GJC1: variants seen among roughly 807,000 people sequenced by gnomAD.
GJC1 encodes the protein gap junction protein gamma 1.
GJC1 carries 5 observed loss-of-function variants against 29.3 expected under a neutral mutation model. The observed-to-expected ratio is 0.17, with a 90% CI of 0.09 to 0.36. The LOEUF (loss-of-function observed/expected upper bound fraction) is 0.36. GJC1 is among the 10% of genes least tolerant of loss of function. The probability of loss-of-function intolerance (pLI) is 1.00; values close to 1 mark genes in which losing one functional copy is unlikely to be tolerated. For missense variants in GJC1, 310 were observed against 496.2 expected, an observed-to-expected ratio of 0.62 and a Z score of 3.56; for synonymous variants, 177 against 183.3, an observed-to-expected ratio of 0.97 and a Z score of 0.28.
Position 44,799,393 on chromosome 17 carries a change from A to C in GJC1, c.*5234T>G, listed in dbSNP as rs2049814809. On this transcript the variant is annotated 3_prime_UTR_variant, in exon 3 of 3. Coordinates refer to ENST00000592524, the MANE Select transcript of GJC1 (RefSeq NM_005497.4). ...GCTAATTTTTGTATTTTTAGTAGAG[A>C]GGGGGTTTTACCATGTTGGCCAGGC... 6.6e-6 allele frequency: 1 copy of C among 151,298 alleles called. No individual in the cohort carries two copies. Among genetic ancestry groups the C allele is most frequent in the South Asian group, 2.1e-4 (1 of 4,790 alleles). 9.4% of individuals were successfully genotyped at this position (151,298 alleles called of 1,614,324 possible). A position where few individuals can be genotyped will look rare whatever the true frequency, so the allele number is the denominator to read the frequency against.
rs1388697716 is a variant in GJC1, at chr17:44,799,756, C to CA, written c.*4870dup. 1 of 152,042 alleles carries CA rather than the reference C, an allele frequency of 6.6e-6. No individual in the cohort carries two copies. Among genetic ancestry groups the CA allele is most frequent in the African/African-American group, 2.4e-5 (1 of 41,384 alleles). 9.4% of individuals were successfully genotyped at this position (152,042 alleles called of 1,614,324 possible). ...CAACATAGTGAGAGCTCTGTCTCTA[C>CA]AAAAAATACAAAAATTAGCCAGGTG... is the stretch of plus-strand genomic sequence containing the variant. On this transcript the variant is annotated 3_prime_UTR_variant, in exon 3 of 3. Transcript: ENST00000592524.
At chr17:44,828,422 T>C (rs2050198000) in intron 1 of GJC1, among the ~76,000 whole-genome samples, 1 of 152,222 alleles carries the variant, frequency 6.6e-6, no homozygotes, top group South Asian at 2.1e-4. Flanking sequence ...TTGTTTGAAA[T>C]GCTTTGGAAA....
In GJC1 at chr17:44,819,703, TAAA is replaced by T. The variant is rs917523909; in HGVS notation, c.-97+10356_-97+10358del. On this transcript the variant is annotated intron_variant, in intron 1 of 2. Transcript: ENST00000592524. The stretch of plus-strand genomic sequence containing the variant: ...ATAAATAAATAAATAAATAAATAAA[TAAA>T]AAGAATTTCCTTCCTTTTTAAGGCT... Among the ~76,000 whole-genome samples the T allele has an allele frequency of 6.3e-3, 899 of 142,340 alleles. 9 individuals are homozygous for T. Among genetic ancestry groups the T allele is most frequent in the East Asian group, 0.05 (235 of 4,708 alleles). 93.4% of individuals were successfully genotyped at this position (142,340 alleles called of 152,430 possible). A position where few individuals can be genotyped will look rare whatever the true frequency, so the allele number is the denominator to read the frequency against.
chr17:44,808,863 C>A (rs2049942726), intron 1 of GJC1, among the ~76,000 whole-genome samples: 1 of 152,008 alleles, frequency 6.6e-6, no homozygotes, highest in African/African-American at 2.4e-5. Flanking sequence ...GGATCACCAG[C>A]AGTCGGGAGT....
intron 1 of GJC1, among the ~76,000 whole-genome samples, chr17:44,826,903 C>T (rs1195012618): frequency 6.6e-6 from 1 of 152,162 alleles, no homozygotes; most frequent in Non-Finnish European, 1.5e-5. Flanking sequence ...ACAACTGTTG[C>T]CATTCAGCTG....
chr17:44,816,816 A>G (rs1433213270), intron 1 of GJC1, among the ~76,000 whole-genome samples: 2 of 151,960 alleles, frequency 1.3e-5, no homozygotes, highest in African/African-American at 4.8e-5. Context: ...AATTAATAGG[A>G]TTTTTGAAGA....
chr17:44,805,169 T>C lies in GJC1; in HGVS notation c.649A>G (p.Lys217Glu). 6.2e-7 allele frequency: 1 copy of C among 1,614,094 alleles called. No homozygotes were observed. ...GGTCTAGAAATAAAGCAGTCTATCT[T>C]ATGAGGACAAGGAAGTCTGCTGCAC... ...YVCSRLPCPH[K>E]IDCFISRPTE... The change falls in exon 3 of 3, where the codon AAG becomes GAG. Residue 217 changes from lysine (K) to glutamate (E), a missense_variant. This residue lies in a region of GJC1 where 45 missense variants were observed against 126.2 expected (regional missense o/e 0.36). Transcript: ENST00000592524. The surrounding 1 kb of genome is among the most constrained non-coding windows in gnomAD (Gnocchi z 5.1).
chr17:44,807,296 G>A (rs983472325), intron 2 of GJC1, 98 bp downstream of exon 2: 7 of 152,166 alleles, frequency 4.6e-5, no homozygotes, highest in African/African-American at 1.7e-4. Flanking sequence ...CCGACACAAA[G>A]TAGACTTAAT....
rs1216532925 is a variant in GJC1 at position 44,802,581 on chromosome 17, C to T, written c.*2046G>A. 1 of 152,158 alleles carries T rather than the reference C, an allele frequency of 6.6e-6. No homozygotes were observed. The highest frequency in any genetic ancestry group is 2.4e-5 in the African/African-American group (1 of 41,450). 9.4% of individuals were successfully genotyped at this position (152,158 alleles called of 1,614,324 possible). On this transcript the variant is annotated 3_prime_UTR_variant, in exon 3 of 3. Transcript: ENST00000592524. ...ATTTCTGAAATTTCTCCTTCAGTCT[C>T]ACCTGAGTTTAATTTTTGCCTAAGA... is the stretch of plus-strand genomic sequence containing the variant.
intron 1 of GJC1, among the ~76,000 whole-genome samples, chr17:44,812,102 C>G (rs1424204933): frequency 6.6e-6 from 1 of 151,966 alleles, no homozygotes; most frequent in African/African-American, 2.4e-5. Context: ...ATCACGAGGT[C>G]AGGAGATTGA....
chr17:44,821,730 A>AAAAAAAAAAAAAAAC (rs1567714313), intron 1 of GJC1, among the ~76,000 whole-genome samples: 1 of 141,394 alleles, frequency 7.1e-6, no homozygotes, highest in Non-Finnish European at 1.5e-5. Context: ...AAAAAACAAC[A>AAAAAAAAAAAAAAAC]AAAAAACACC....
chr17:44,821,032 A>T (rs2050099561), intron 1 of GJC1, among the ~76,000 whole-genome samples: 1 of 152,214 alleles, frequency 6.6e-6, no homozygotes, highest in Non-Finnish European at 1.5e-5. Context: ...TCTCATGGAG[A>T]GTGAGTAGTT....
At chr17:44,819,424 C>T (rs1004669485) in intron 1 of GJC1, among the ~76,000 whole-genome samples, 4 of 151,924 alleles carry the variant, frequency 2.6e-5, no homozygotes, top group Non-Finnish European at 5.9e-5. Flanking sequence ...TTTGGGAGGC[C>T]GAGGCGGGTA....
upstream of GJC1, chr17:44,830,514 C>T (rs1175510989): frequency 2.5e-6 from 1 of 396,392 alleles, no homozygotes; most frequent in Non-Finnish European, 4.4e-6. This position sits in a 1 kb window ranked among gnomAD's most constrained non-coding sequence, Gnocchi z 4.3. Context: ...GTCTGGACCC[C>T]GGGTGGGCGC....
chr17:44,826,747 A>G (rs1334244714), intron 1 of GJC1, among the ~76,000 whole-genome samples: 1 of 152,220 alleles, frequency 6.6e-6, no homozygotes, highest in East Asian at 1.9e-4. Context: ...GAGTTGCAGT[A>G]AATAGCAATG....
chr17:44,822,517 C>T (rs2050124303), intron 1 of GJC1, among the ~76,000 whole-genome samples: 1 of 151,672 alleles, frequency 6.6e-6, no homozygotes, highest in African/African-American at 2.4e-5. Context: ...GTGGCAGGCG[C>T]CTGTAATCTC....
At chr17:44,806,128 C>G (rs566803804) in intron 2 of GJC1, among the ~76,000 whole-genome samples, 49 of 152,142 alleles carry the variant, frequency 3.2e-4, no homozygotes, top group African/African-American at 1.1e-3. Flanking sequence ...CAAAAATTAC[C>G]CGGGCACGGT....
intron 1 of GJC1, 120 bp from the exon 2 acceptor site, chr17:44,807,589 A>T (rs17683692): frequency 0.13 from 19,795 of 152,216 alleles, 1,569 homozygotes; most frequent in South Asian, 0.23. Flanking sequence ...ATCAATGAGA[A>T]TAAGATAGAA....
chr17:44,823,122 A>G (rs1380294736), intron 1 of GJC1, among the ~76,000 whole-genome samples: 1 of 152,166 alleles, frequency 6.6e-6, no homozygotes, highest in African/African-American at 2.4e-5. Context: ...AATAATCTCT[A>G]TAACTATTGG....
Sources: allele counts gnomAD v4.1 joint callset (sites outside exome capture counted in the v4.1 genomes callset), GRCh38; gene constraint gnomAD v4.1.1; regional missense constraint gnomAD v4.1.1; non-coding constraint Gnocchi (gnomAD v3.1); transcripts MANE v1.5; gene names NCBI Gene and HGNC (gene_info 2026-07-23, HGNC 2026-07-21).